The following EPS15 variants were observed in gnomAD, a reference collection of about 807,000 sequenced individuals.
EPS15 encodes epidermal growth factor receptor substrate 15.
Under a neutral mutation model 113.8 loss-of-function variants are expected in EPS15, and 72 were observed. The ratio of observed to expected loss-of-function variants is 0.63; its 90% confidence interval spans 0.52 to 0.77. The LOEUF (loss-of-function observed/expected upper bound fraction) is 0.77, where lower values mean the gene tolerates loss of function less well. EPS15 is among the 30% of genes least tolerant of loss of function. EPS15 has a pLI of 0.00. For missense variants in EPS15, 1,048 were observed against 1,045.8 expected (o/e 1.00, Z -0.03); for synonymous variants, 344 against 363.4 (o/e 0.95, Z 0.61).
intron 12 of EPS15, among the ~76,000 whole-genome samples, chr1:51,432,298 TTATGTATGTATGTATGTATG>T (rs71063032): frequency 1.2e-4 from 17 of 145,998 alleles, no homozygotes; most frequent in South Asian, 6.8e-4. Context: ...GCCACATAGA[TTATGTATGTATGTATGTATG>T]TATGTATGTA....
chr1:51,484,047 G>A (rs987644814), intron 1 of EPS15, among the ~76,000 whole-genome samples: 1 of 151,472 alleles, frequency 6.6e-6, no homozygotes, highest in African/African-American at 2.4e-5. Flanking sequence ...GGAGGTCAAA[G>A]CTACAGTGAC....
chr1:51,356,768 T>G lies in EPS15; in HGVS notation c.2623A>C (p.Asn875His), dbSNP rs1646226381. 11 of 1,614,018 alleles carry G rather than the reference T, an allele frequency of 6.8e-6. No homozygotes were observed. The highest frequency in any genetic ancestry group is 9.3e-6 in the Non-Finnish European group (11 of 1,179,888). The change falls in exon 25 of 25, where the codon AAT (asparagine) becomes CAT (histidine). Residue 875 changes from asparagine (N) to histidine (H), a missense_variant. By Grantham distance (68) the Asn-to-His change is moderately conservative. Transcript: ENST00000371733. ...REEEQRLARLNQQEQEDLELA... is the reference protein window; with the variant it reads ...REEEQRLARLHQQEQEDLELA... ...TCTAAGTCTTCTTGTTCCTGCTGATTTAGTCGGGCAAGCCTCTGCTCTTCC... is the reference window on the plus strand; with the variant it reads ...TCTAAGTCTTCTTGTTCCTGCTGATGTAGTCGGGCAAGCCTCTGCTCTTCC...
At chr1:51,370,970 C>T (rs1031875224) in intron 21 of EPS15, among the ~76,000 whole-genome samples, 3 of 151,936 alleles carry the variant, frequency 2.0e-5, no homozygotes, top group South Asian at 2.1e-4. Flanking sequence ...GGCTGGAGTG[C>T]GGTCGTGCGA....
intron 19 of EPS15, among the ~76,000 whole-genome samples, chr1:51,399,716 A>G (rs1240716525): frequency 1.3e-5 from 2 of 152,068 alleles, no homozygotes; most frequent in Admixed American, 6.6e-5. Context: ...AAAATTAGCC[A>G]GGCGTGGTGG....
At chr1:51,517,131 G>C (rs1644734659) in intron 1 of EPS15, among the ~76,000 whole-genome samples, 1 of 152,214 alleles carries the variant, frequency 6.6e-6, no homozygotes, top group Admixed American at 6.5e-5. Context: ...GGCACATTAG[G>C]GTATACTAGC....
rs370161989 is a variant in EPS15 at position 51,446,453 on chromosome 1, C to CTT, written c.797+505_797+506dup. Among the ~76,000 whole-genome samples, 186 of 132,218 alleles carry CTT rather than the reference C, an allele frequency of 1.4e-3. 1 individual carries two copies. The highest frequency in any genetic ancestry group is 4.1e-3 in the African/African-American group (146 of 35,470). 86.7% of individuals were successfully genotyped at this position (132,218 alleles called of 152,430 possible). A position where few individuals can be genotyped will look rare whatever the true frequency, so the allele number is the denominator to read the frequency against. On this transcript the variant is annotated intron_variant, in intron 10 of 24. Coordinates refer to ENST00000371733, the MANE Select transcript of EPS15 (RefSeq NM_001981.3). ...ATAACAATTAACTGACACTGTCATT[C>CTT]TTTTTTTTTTTTTTTTTGAGATGGA...
At chr1:51,505,103 G>A (rs1297687735) in intron 1 of EPS15, among the ~76,000 whole-genome samples, 1 of 151,616 alleles carries the variant, frequency 6.6e-6, no homozygotes, top group African/African-American at 2.4e-5. Flanking sequence ...CTGGGTGAAA[G>A]AGTGAGACTG....
intron 10 of EPS15, among the ~76,000 whole-genome samples, chr1:51,446,112 C>T (rs1357964904): frequency 6.6e-6 from 1 of 152,152 alleles, no homozygotes; most frequent in Non-Finnish European, 1.5e-5. Flanking sequence ...CCACTTGTGA[C>T]GTTTCTGCCT....
Position 51,508,338 on chromosome 1 carries a change from G to GAAAGAGAGAAAGAA in EPS15, c.33+10860_33+10861insTTCTTTCTCTCTTT, listed in dbSNP as rs745757925. 1.4e-3 allele frequency among the ~76,000 whole-genome samples: 174 copies of GAAAGAGAGAAAGAA among 122,286 alleles called. 1 individual carries two copies. Among genetic ancestry groups the GAAAGAGAGAAAGAA allele is most frequent in the Non-Finnish European group, 2.3e-3 (134 of 58,828 alleles). The allele number at this position is 122,286 out of a possible 152,430, so 80.2% of individuals were successfully genotyped here. On this transcript the variant is annotated intron_variant, in intron 1 of 24. Coordinates refer to ENST00000371733, the MANE Select transcript of EPS15 (RefSeq NM_001981.3). Reference sequence around the variant, plus strand: ...AGAGAGAAAGAGAGAAAGAGAAAGAGAGAAAGAAAGAAAGAAAGAAAGAAA... The same window carrying GAAAGAGAGAAAGAA: ...AGAGAGAAAGAGAGAAAGAGAAAGAGAAAGAGAGAAAGAAAGAAAGAAAGAAAGAAAGAAAGAAA...
intron 1 of EPS15, among the ~76,000 whole-genome samples, chr1:51,507,722 A>ATGTG (rs202206045): frequency 6.6e-6 from 1 of 151,730 alleles, no homozygotes; most frequent in African/African-American, 2.4e-5. Flanking sequence ...ACACATATAT[A>ATGTG]TGTGTGTGTG....
intron 21 of EPS15, among the ~76,000 whole-genome samples, chr1:51,374,186 T>C (rs1024905881): frequency 1.3e-4 from 20 of 152,244 alleles, no homozygotes; most frequent in African/African-American, 4.1e-4. Flanking sequence ...CAGGATGTTA[T>C]AAAGATTTAA....
At chr1:51,444,502 C>T (rs1652850669) in intron 11 of EPS15, among the ~76,000 whole-genome samples, 1 of 152,160 alleles carries the variant, frequency 6.6e-6, no homozygotes, top group South Asian at 2.1e-4. Flanking sequence ...ATGCAAGATT[C>T]TGTTTTCAAA....
At chr1:51,492,578 T>C (rs993462367) in intron 1 of EPS15, among the ~76,000 whole-genome samples, 4 of 152,176 alleles carry the variant, frequency 2.6e-5, no homozygotes, top group Admixed American at 2.0e-4. Flanking sequence ...CAGTTTTTAA[T>C]TGAATACAAC....
At chr1:51,465,353 G>C (rs1216605026) in intron 5 of EPS15, 27 bp from the exon 6 acceptor site, 2 of 1,513,332 alleles carry the variant, frequency 1.3e-6, no homozygotes, top group South Asian at 2.4e-5. Flanking sequence ...AGCACAACAA[G>C]AGTTGAAATT....
At chr1:51,413,720 T>A (rs902039832) in intron 13 of EPS15, among the ~76,000 whole-genome samples, 1 of 152,182 alleles carries the variant, frequency 6.6e-6, no homozygotes, top group African/African-American at 2.4e-5. Context: ...TTGGAAATAA[T>A]CATTACTGCT....
intron 21 of EPS15, among the ~76,000 whole-genome samples, chr1:51,388,755 A>C (rs1205531281): frequency 3.3e-5 from 5 of 152,236 alleles, no homozygotes; most frequent in Admixed American, 1.3e-4. Flanking sequence ...ACACCCTCCC[A>C]AGACTAAACC....
At chr1:51,405,367 T>C (rs1648998750) in intron 16 of EPS15, among the ~76,000 whole-genome samples, 1 of 152,204 alleles carries the variant, frequency 6.6e-6, no homozygotes, top group Admixed American at 6.5e-5. Context: ...AGTTTTACTC[T>C]ATAGAACCAC....
intron 8 of EPS15, among the ~76,000 whole-genome samples, chr1:51,450,049 T>G (rs1048818007): frequency 5.3e-5 from 8 of 151,772 alleles, no homozygotes; most frequent in Non-Finnish European, 1.2e-4. Flanking sequence ...TCTTTCTTAC[T>G]GGATCACTCA....
At chr1:51,396,244 T>C (rs960249772) in intron 20 of EPS15, among the ~76,000 whole-genome samples, 2 of 152,224 alleles carry the variant, frequency 1.3e-5, no homozygotes, top group Non-Finnish European at 2.9e-5. Context: ...CCTAATATGA[T>C]AGTCATAACT....
Sources: gnomAD v4.1 joint callset for allele counts (sites outside exome capture counted in the v4.1 genomes callset) on GRCh38, gnomAD v4.1.1 for gene constraint, MANE v1.5 for transcripts, NCBI Gene and HGNC (gene_info 2026-07-23, HGNC 2026-07-21) for gene names.